SHISA6: variants seen among roughly 807,000 people sequenced by gnomAD.
The protein encoded by SHISA6 is protein shisa-6.
Under a neutral mutation model 47.9 loss-of-function variants are expected in SHISA6, and 22 were observed. That is an observed-to-expected ratio of 0.46 (90% CI 0.33 to 0.66). SHISA6 has a LOEUF of 0.66. SHISA6 is among the 30% of genes least tolerant of loss of function. The pLI is 0.02. For missense variants in SHISA6, 680 were observed against 764.6 expected, an observed-to-expected ratio of 0.89 and a Z score of 1.30; for synonymous variants, 388 against 337.8, an observed-to-expected ratio of 1.15 and a Z score of -1.63.
At position 11,502,666 on chromosome 17, in the gene SHISA6, G is replaced by T. The variant is rs148992102; in HGVS notation, c.896-49230G>T. Among the ~76,000 whole-genome samples the T allele has an allele frequency of 7.9e-3, 1,210 of 152,286 alleles. 20 individuals are homozygous for T. The highest frequency in any genetic ancestry group is 0.028 in the African/African-American group (1,150 of 41,556). On this transcript the variant is annotated intron_variant, in intron 3 of 5. Coordinates refer to ENST00000441885, the MANE Select transcript of SHISA6 (RefSeq NM_207386.4). ...CGCTTGAACCCAGGAGGCAGAGGTT[G>T]CAGTGAGCTGAGATCGTGCCATCGC...
At position 11,558,798 on chromosome 17, in the gene SHISA6, TA is replaced by T; in HGVS notation, c.*499del. The T allele has an allele frequency of 5.8e-6, 1 of 171,628 alleles. No individual in the cohort carries two copies. The highest frequency in any genetic ancestry group is 1.3e-5 in the Non-Finnish European group (1 of 79,446). 10.6% of individuals were successfully genotyped at this position (171,628 alleles called of 1,614,324 possible). On this transcript the variant is annotated 3_prime_UTR_variant, in exon 6 of 6. Transcript: ENST00000441885. ...CGCATCACAGAAATCTCCTAGTGCC[TA>T]AAAACTGCCTGCTCGCTCTCTCAGA...
At chr17:11,357,789 A>G (rs561160396) in intron 2 of SHISA6, among the ~76,000 whole-genome samples, 1 of 152,316 alleles carries the variant, frequency 6.6e-6, no homozygotes, top group East Asian at 1.9e-4. Flanking sequence ...GTCTGTAATT[A>G]TTTCCCTTGG....
chr17:11,249,720 T>C (rs1567699061), intron 1 of SHISA6, among the ~76,000 whole-genome samples: 1 of 152,144 alleles, frequency 6.6e-6, no homozygotes, highest in Non-Finnish European at 1.5e-5. Flanking sequence ...TATATAAGGG[T>C]AACATATTTT....
At chr17:11,288,911 C>T (rs1909421412) in intron 2 of SHISA6, 1 of 152,162 alleles carries the variant, frequency 6.6e-6, no homozygotes, top group Non-Finnish European at 1.5e-5. Flanking sequence ...TGTCTCACTT[C>T]TTTCTAGAGT....
intron 1 of SHISA6, among the ~76,000 whole-genome samples, chr17:11,246,699 C>A (rs1907607156): frequency 6.6e-6 from 1 of 152,138 alleles, no homozygotes; most frequent in Admixed American, 6.5e-5. Context: ...GTGCCACAGG[C>A]TTGGTTTGTC....
At chr17:11,491,673 G>C (rs978361875) in intron 3 of SHISA6, among the ~76,000 whole-genome samples, 1 of 151,976 alleles carries the variant, frequency 6.6e-6, no homozygotes. Flanking sequence ...GCCTGGAAGA[G>C]CCCATTGAGG....
intron 2 of SHISA6, among the ~76,000 whole-genome samples, chr17:11,282,403 T>TC (rs1429016776): frequency 2.4e-5 from 1 of 41,788 alleles, no homozygotes; most frequent in African/African-American, 6.6e-5. Context: ...TATTTCTTCT[T>TC]TTTTTTTTTT....
intron 3 of SHISA6, among the ~76,000 whole-genome samples, chr17:11,447,780 TA>T (rs1915274353): frequency 6.6e-6 from 1 of 152,236 alleles, no homozygotes; most frequent in Admixed American, 6.5e-5. Context: ...CCTTCCATTC[TA>T]AACCCAACTG....
At chr17:11,329,308 A>AT (rs1260475978) in intron 2 of SHISA6, among the ~76,000 whole-genome samples, 4 of 152,232 alleles carry the variant, frequency 2.6e-5, no homozygotes, top group Admixed American at 2.6e-4. Flanking sequence ...TCTTGGAGAA[A>AT]TTTTTACTAA....
intron 3 of SHISA6, among the ~76,000 whole-genome samples, chr17:11,416,285 T>C (rs995554766): frequency 1.3e-5 from 2 of 152,214 alleles, no homozygotes; most frequent in Admixed American, 6.5e-5. Flanking sequence ...TTCATTAACA[T>C]TTAAAGTATA....
chr17:11,474,501 GGATT>G (rs1355628585), intron 3 of SHISA6, among the ~76,000 whole-genome samples: 3 of 151,470 alleles, frequency 2.0e-5, no homozygotes, highest in Non-Finnish European at 4.4e-5. Context: ...TGTAAGGTTT[GGATT>G]GATTTTTGTG....
chr17:11,264,678 A>G (rs1908359027), intron 2 of SHISA6, among the ~76,000 whole-genome samples: 1 of 152,220 alleles, frequency 6.6e-6, no homozygotes, highest in African/African-American at 2.4e-5. Flanking sequence ...ACCTGCAATA[A>G]GGATATATAG....
chr17:11,485,478 C>T (rs1309172161), intron 3 of SHISA6, among the ~76,000 whole-genome samples: 5 of 152,106 alleles, frequency 3.3e-5, no homozygotes, highest in African/African-American at 1.2e-4. Context: ...ACAGTTGCTG[C>T]CTTTGCCATA....
chr17:11,458,762 C>G (rs1315134648), intron 3 of SHISA6, among the ~76,000 whole-genome samples: 1 of 152,224 alleles, frequency 6.6e-6, no homozygotes, highest in Non-Finnish European at 1.5e-5. Context: ...TTTAGACAGG[C>G]TCCACATGGA....
chr17:11,525,879 C>T (rs1160094577), intron 3 of SHISA6, among the ~76,000 whole-genome samples: 1 of 151,868 alleles, frequency 6.6e-6, no homozygotes, highest in Non-Finnish European at 1.5e-5. Context: ...CATGGTGGTG[C>T]ACACCTGTAG....
intron 3 of SHISA6, among the ~76,000 whole-genome samples, chr17:11,391,215 A>G (rs1465412955): frequency 6.6e-6 from 1 of 151,920 alleles, no homozygotes; most frequent in Non-Finnish European, 1.5e-5. Flanking sequence ...AGCCAACTGT[A>G]GAGGGTGGGC....
intron 2 of SHISA6, among the ~76,000 whole-genome samples, chr17:11,275,046 G>A (rs1447651567): frequency 6.6e-6 from 1 of 152,196 alleles, no homozygotes; most frequent in East Asian, 1.9e-4. Flanking sequence ...ATTGGTTGTG[G>A]CTTTTCTGTA....
intron 2 of SHISA6, among the ~76,000 whole-genome samples, chr17:11,377,084 G>A (rs1010941038): frequency 6.6e-6 from 1 of 152,220 alleles, no homozygotes; most frequent in African/African-American, 2.4e-5. Flanking sequence ...TGCCTTGTGA[G>A]AAGTCCCTAG....
chr17:11,291,080 T>G (rs1447470291), intron 2 of SHISA6, among the ~76,000 whole-genome samples: 1 of 152,108 alleles, frequency 6.6e-6, no homozygotes, highest in Non-Finnish European at 1.5e-5. Flanking sequence ...AGTAGCTATG[T>G]ATTCAGAAAC....
Sources: allele counts gnomAD v4.1 joint callset (sites outside exome capture counted in the v4.1 genomes callset), GRCh38; gene constraint gnomAD v4.1.1; transcripts MANE v1.5; gene names NCBI Gene and HGNC (gene_info 2026-07-23, HGNC 2026-07-21).